The following KIAA1217 variants were observed in gnomAD, a reference collection of about 807,000 sequenced individuals.
The protein encoded by KIAA1217 is sickle tail protein homolog.
Under a neutral mutation model 163.9 loss-of-function variants are expected in KIAA1217, and 88 were observed. The observed-to-expected ratio is 0.54, with a 90% CI of 0.45 to 0.64. The LOEUF (loss-of-function observed/expected upper bound fraction) is 0.64. Ranked by LOEUF, KIAA1217 falls within the 30% of genes least tolerant of loss-of-function variation. The probability of loss-of-function intolerance (pLI) is 0.00; values close to 1 mark genes in which losing one functional copy is unlikely to be tolerated. For synonymous variants in KIAA1217, 903 were observed against 923.1 expected, an observed-to-expected ratio of 0.98 and a Z score of 0.39; for missense variants, 2,372 against 2,475.0, an observed-to-expected ratio of 0.96 and a Z score of 0.88.
chr10:23,733,788 T>C (rs970380383), intron 1 of KIAA1217, among the ~76,000 whole-genome samples: 6 of 152,212 alleles, frequency 3.9e-5, no homozygotes, highest in Non-Finnish European at 8.8e-5. Context: ...CACTAGATTA[T>C]TAAAAATGTG....
chr10:23,733,694 C>T (rs1237822707), intron 1 of KIAA1217, among the ~76,000 whole-genome samples: 1 of 151,854 alleles, frequency 6.6e-6, no homozygotes, highest in African/African-American at 2.4e-5. Flanking sequence ...GTATAGTACC[C>T]GCCAGATAGA....
At chr10:24,039,033 C>T (rs997888446) in intron 2 of KIAA1217, among the ~76,000 whole-genome samples, 5 of 152,072 alleles carry the variant, frequency 3.3e-5, no homozygotes, top group African/African-American at 9.7e-5. Context: ...CATGAGCCAC[C>T]GCACCCAGCT....
At chr10:24,123,362 T>C (rs1354044351) in intron 2 of KIAA1217, among the ~76,000 whole-genome samples, 1 of 152,188 alleles carries the variant, frequency 6.6e-6, no homozygotes. Context: ...AGTATCATGT[T>C]GCATAAATAA....
intron 1 of KIAA1217, among the ~76,000 whole-genome samples, chr10:23,770,041 A>G (rs144190133): frequency 2.0e-5 from 3 of 152,312 alleles, no homozygotes; most frequent in Admixed American, 6.5e-5. Flanking sequence ...GTAATCAACC[A>G]ATGTTTCACT....
chr10:24,542,808 C>G (rs2075283181), intron 18 of KIAA1217, 38 bp downstream of exon 18: 3 of 1,610,928 alleles, frequency 1.9e-6, no homozygotes, highest in Non-Finnish European at 2.5e-6. Flanking sequence ...CAATACCATG[C>G]ACATTAAGTA....
At chr10:24,134,384 G>C (rs1486181239) in intron 2 of KIAA1217, among the ~76,000 whole-genome samples, 1 of 152,214 alleles carries the variant, frequency 6.6e-6, no homozygotes, top group Admixed American at 6.6e-5. Context: ...GGTAGAAAGT[G>C]TTGGCTTCCA....
intron 1 of KIAA1217, among the ~76,000 whole-genome samples, chr10:24,211,361 C>CT (rs1201397959): frequency 0.025 from 1,490 of 60,178 alleles, 60 homozygotes; most frequent in Non-Finnish European, 0.038. Flanking sequence ...GGTGGGACTA[C>CT]TTTTTTTTTT....
At chr10:23,779,955 T>A (rs1163103557) in intron 1 of KIAA1217, among the ~76,000 whole-genome samples, 1 of 152,170 alleles carries the variant, frequency 6.6e-6, no homozygotes, top group Non-Finnish European at 1.5e-5. Context: ...CTAGGAGCAA[T>A]AGGCCATGCA....
At chr10:24,282,680 T>C (rs1230608328) in intron 2 of KIAA1217, among the ~76,000 whole-genome samples, 1 of 152,134 alleles carries the variant, frequency 6.6e-6, no homozygotes, top group Admixed American at 6.6e-5. Context: ...CTTTGTTTTT[T>C]GTTGTTGTTT....
chr10:24,138,627 A>G (rs1476270043), intron 2 of KIAA1217, among the ~76,000 whole-genome samples: 3 of 131,042 alleles, frequency 2.3e-5, no homozygotes, highest in East Asian at 2.4e-4. Flanking sequence ...TTAAATTTAG[A>G]TTTCTTCCAT....
At chr10:24,069,925 G>T (rs933053395) in intron 2 of KIAA1217, among the ~76,000 whole-genome samples, 1 of 151,868 alleles carries the variant, frequency 6.6e-6, no homozygotes, top group Non-Finnish European at 1.5e-5. Flanking sequence ...CTACAGCTTT[G>T]AACTCCTGGG....
chr10:24,096,933 C>T (rs778592780), intron 2 of KIAA1217, among the ~76,000 whole-genome samples: 8 of 152,160 alleles, frequency 5.3e-5, no homozygotes, highest in Non-Finnish European at 1.0e-4. Context: ...TAAATATCTG[C>T]AGGTGCTCCA....
intron 2 of KIAA1217, among the ~76,000 whole-genome samples, chr10:24,201,460 C>A (rs2130526101): frequency 6.6e-6 from 1 of 152,190 alleles, no homozygotes; most frequent in East Asian, 1.9e-4. Flanking sequence ...AAAACGATGT[C>A]ATCTGGGAAA....
chr10:24,185,460 G>A lies in KIAA1217; in HGVS notation c.-170-34166G>A, dbSNP rs531704654. Among the ~76,000 whole-genome samples the A allele has an allele frequency of 9.2e-5, 14 of 152,202 alleles. No homozygotes were observed. The South Asian group carries it at 2.9e-3, about 32-fold the overall frequency. On this transcript the variant is annotated intron_variant, in intron 2 of 18. Transcript: ENST00000376462. ...CATACCCATGATTTTAAAAATCAAA[G>A]GCTACTAAATCATACTATTACCTAA...
chr10:23,958,659 AAGAGAG>A (rs750483266), intron 1 of KIAA1217, among the ~76,000 whole-genome samples: 2 of 150,280 alleles, frequency 1.3e-5, no homozygotes, highest in South Asian at 2.1e-4. Context: ...AAATGAGAGA[AAGAGAG>A]AGAGAGAGAG....
chr10:23,826,259 T>A (rs1837895114), intron 1 of KIAA1217, among the ~76,000 whole-genome samples: 1 of 152,214 alleles, frequency 6.6e-6, no homozygotes. Flanking sequence ...TTTAAAAAGA[T>A]TAGAAATTTG....
At chr10:24,222,847 G>T (rs1038162902) in intron 2 of KIAA1217, among the ~76,000 whole-genome samples, 26 of 152,232 alleles carry the variant, frequency 1.7e-4, no homozygotes, top group Middle Eastern at 6.8e-3. Flanking sequence ...ATAAAAGAAT[G>T]GCTACTCCAT....
At chr10:24,035,772 A>C (rs1406067956) in intron 2 of KIAA1217, among the ~76,000 whole-genome samples, 1 of 152,236 alleles carries the variant, frequency 6.6e-6, no homozygotes, top group Non-Finnish European at 1.5e-5. Context: ...ACAAGAAAGA[A>C]CTAGTAAACA....
At chr10:24,239,758 G>A (rs1307458959) in intron 2 of KIAA1217, among the ~76,000 whole-genome samples, 3 of 151,626 alleles carry the variant, frequency 2.0e-5, no homozygotes, top group African/African-American at 7.3e-5. Flanking sequence ...GAGACTATGG[G>A]TAGTTTTGTA....
Sources: gnomAD v4.1 joint callset for allele counts (sites outside exome capture counted in the v4.1 genomes callset) on GRCh38, gnomAD v4.1.1 for gene constraint, MANE v1.5 for transcripts, NCBI Gene and HGNC (gene_info 2026-07-23, HGNC 2026-07-21) for gene names.